Variants in PTPRG observed in about 807,000 individuals in gnomAD.
PTPRG encodes protein tyrosine phosphatase receptor type G.
PTPRG carries 102 observed loss-of-function variants against 165.3 expected under a neutral mutation model. The ratio of observed to expected loss-of-function variants is 0.62; its 90% confidence interval spans 0.53 to 0.73. PTPRG has a LOEUF of 0.73. PTPRG is among the 30% of genes least tolerant of loss of function. The pLI, the probability that PTPRG is intolerant of heterozygous loss-of-function variation, is 0.00. For synonymous variants in PTPRG, 675 were observed against 669.5 expected (o/e 1.01, Z -0.13); for missense variants, 1,866 against 1,861.4 (o/e 1.00, Z -0.05).
Position 62,295,092 on chromosome 3 carries a change from G to A in PTPRG, c.*1785G>A, listed in dbSNP as rs1703017823. The A allele has an allele frequency of 6.6e-6, 1 of 152,076 alleles. No homozygotes were observed. The highest frequency in any genetic ancestry group is 1.5e-5 in the Non-Finnish European group (1 of 67,998). The allele number at this position is 152,076 out of a possible 1,614,324, so 9.4% of individuals were successfully genotyped here. On this transcript the variant is annotated 3_prime_UTR_variant, in exon 30 of 30. Coordinates refer to ENST00000474889, the MANE Select transcript of PTPRG (RefSeq NM_002841.4). ...TCTCAATACATAGATTTAACAACAT[G>A]GAATACTCTGCTTTTCAAGAGCTGC... is the stretch of plus-strand genomic sequence containing the variant.
chr3:61,763,530 T>TG (rs1423014133), intron 2 of PTPRG, among the ~76,000 whole-genome samples: 1 of 30,524 alleles, frequency 3.3e-5, no homozygotes, highest in Non-Finnish European at 9.0e-5. Flanking sequence ...CACGCCCAGC[T>TG]AATTTTTGTA....
rs759569483 is a variant in PTPRG, at chr3:62,203,269, A to G, written c.1474A>G (p.Met492Val). 6 of 1,613,164 alleles carry G rather than the reference A, an allele frequency of 3.7e-6. No individual in the cohort carries two copies. In the African/African-American group the frequency reaches 5.4e-5, roughly 14 times the overall value. The change falls in exon 12 of 30, where the codon ATG becomes GTG. Residue 492 changes from methionine to valine, a missense_variant. Met to Val is a conservative substitution (Grantham distance 21). Around this residue, in one of 3 missense-constraint regions of PTPRG, gnomAD observed 1,452 missense variants for 1,463.0 expected, o/e 0.99. Transcript: ENST00000474889. The surrounding 1 kb of genome is among the most constrained non-coding windows in gnomAD (Gnocchi z 6.4). ...TGGCATCCCATTCTCATTTGTTTCC[A>G]TGGCAACTGGGATGGGCCCCTCCTC... Reference protein sequence around the residue: ...SSGIPFSFVSMATGMGPSSSG... With the variant: ...SSGIPFSFVSVATGMGPSSSG...
intron 2 of PTPRG, among the ~76,000 whole-genome samples, chr3:61,970,232 G>A (rs1006076702): frequency 6.6e-6 from 1 of 152,030 alleles, no homozygotes; most frequent in Non-Finnish European, 1.5e-5. Context: ...AGAAACTCAT[G>A]AGGAGAAGGA....
chr3:62,065,748 G>A (rs1194056184), intron 4 of PTPRG, among the ~76,000 whole-genome samples: 1 of 152,106 alleles, frequency 6.6e-6, no homozygotes, highest in Middle Eastern at 3.2e-3. Flanking sequence ...ACATCCAGAA[G>A]AACCTTTTGT....
chr3:62,227,532 C>T (rs369396085), intron 13 of PTPRG, among the ~76,000 whole-genome samples: 2 of 152,204 alleles, frequency 1.3e-5, no homozygotes, highest in South Asian at 2.1e-4. Flanking sequence ...AGAGAGGAAA[C>T]GGTTTCCAGA....
chr3:62,243,742 TAAAAG>T (rs1701218734), intron 14 of PTPRG, 60 bp from the exon 15 acceptor site: 5 of 1,035,554 alleles, frequency 4.8e-6, no homozygotes, highest in Non-Finnish European at 7.3e-6. Context: ...AAATAAGAAT[TAAAAG>T]AAGATGAACT....
chr3:61,846,100 T>C (rs1434285972), intron 2 of PTPRG, among the ~76,000 whole-genome samples: 2 of 152,196 alleles, frequency 1.3e-5, no homozygotes, highest in Non-Finnish European at 2.9e-5. Context: ...ATAATAGTAA[T>C]TATTGTGAAG....
At chr3:62,282,305 C>T (rs1011904861) in intron 27 of PTPRG, among the ~76,000 whole-genome samples, 2 of 151,970 alleles carry the variant, frequency 1.3e-5, no homozygotes, top group South Asian at 2.1e-4. Context: ...CTCAGTGTAA[C>T]CCCAAACTCC....
intron 1 of PTPRG, among the ~76,000 whole-genome samples, chr3:61,693,933 A>C (rs1362162670): frequency 6.7e-6 from 1 of 150,170 alleles, no homozygotes; most frequent in African/African-American, 2.5e-5. Context: ...GCTTGAACCC[A>C]GGAGGCAGAG....
At chr3:61,866,415 C>T (rs1392946943) in intron 2 of PTPRG, among the ~76,000 whole-genome samples, 1 of 151,908 alleles carries the variant, frequency 6.6e-6, no homozygotes, top group Non-Finnish European at 1.5e-5. Context: ...CCCCACTGTG[C>T]AGGCTGGAGT....
At position 62,214,070 on chromosome 3, in the gene PTPRG, A is replaced by G. The variant is rs1700433976; in HGVS notation, c.2156-4781A>G. Among the ~76,000 whole-genome samples, 1 of 152,198 alleles carries G rather than the reference A, an allele frequency of 6.6e-6. No individual in the cohort carries two copies. Among genetic ancestry groups the G allele is most frequent in the Non-Finnish European group, 1.5e-5 (1 of 68,030 alleles). On this transcript the variant is annotated intron_variant, in intron 12 of 29. Transcript: ENST00000474889. This position sits in a 1 kb window ranked among gnomAD's most constrained non-coding sequence, Gnocchi z 5.2. Reference sequence around the variant, plus strand: ...GGGAAAAAGCAGTATGATACAGTCTAGTCTCAGGGCAAACTGAGATTCTAG... The same window carrying G: ...GGGAAAAAGCAGTATGATACAGTCTGGTCTCAGGGCAAACTGAGATTCTAG...
In PTPRG at chr3:61,721,634, C is replaced by G. The variant is rs17671782; in HGVS notation, c.86-27244C>G. Among the ~76,000 whole-genome samples the G allele has an allele frequency of 8.7e-3, 1,322 of 152,162 alleles. 12 individuals are homozygous for G. The highest frequency in any genetic ancestry group is 0.016 in the Non-Finnish European group (1,066 of 67,988). Reference sequence around the variant, plus strand: ...TGTTTTTCATATTTAACACCATGTCCTGCATATTTTCCTAAGTCAAAAAGT... The same window carrying G: ...TGTTTTTCATATTTAACACCATGTCGTGCATATTTTCCTAAGTCAAAAAGT... On this transcript the variant is annotated intron_variant, in intron 1 of 29. Coordinates refer to ENST00000474889, the MANE Select transcript of PTPRG (RefSeq NM_002841.4).
chr3:61,666,173 A>G (rs1702808506), intron 1 of PTPRG, among the ~76,000 whole-genome samples: 1 of 151,984 alleles, frequency 6.6e-6, no homozygotes, highest in Non-Finnish European at 1.5e-5. Flanking sequence ...CTCGATAAAA[A>G]CCTCTGTTCC....
intron 2 of PTPRG, among the ~76,000 whole-genome samples, chr3:61,819,055 C>G (rs1221897972): frequency 2.6e-5 from 4 of 152,124 alleles, no homozygotes; most frequent in African/African-American, 7.2e-5. Context: ...CAAAAAGACT[C>G]TGTCACTATA....
At chr3:62,212,985 G>C (rs911257822) in intron 12 of PTPRG, among the ~76,000 whole-genome samples, 1 of 152,110 alleles carries the variant, frequency 6.6e-6, no homozygotes, top group African/African-American at 2.4e-5. Context: ...AGATGGAGGT[G>C]AGGAGGAGCT....
Position 62,295,265 on chromosome 3 carries a change from A to G in PTPRG, c.*1958A>G, listed in dbSNP as rs1467774966. 6.6e-6 allele frequency: 1 copy of G among 152,144 alleles called. No individual in the cohort carries two copies. Among genetic ancestry groups the G allele is most frequent in the Non-Finnish European group, 1.5e-5 (1 of 68,022 alleles). 9.4% of individuals were successfully genotyped at this position (152,144 alleles called of 1,614,324 possible). ...AGTAAAGCTTGAACACAGGAACACT[A>G]CAACTGCCAGATGCTGAGGAGAATC... is the stretch of plus-strand genomic sequence containing the variant. On this transcript the variant is annotated 3_prime_UTR_variant, in exon 30 of 30. Coordinates refer to ENST00000474889, the MANE Select transcript of PTPRG (RefSeq NM_002841.4).
intron 12 of PTPRG, among the ~76,000 whole-genome samples, chr3:62,212,392 A>C (rs1008455113): frequency 6.6e-5 from 10 of 152,160 alleles, no homozygotes; most frequent in African/African-American, 2.4e-4. Flanking sequence ...CTAAAAATAA[A>C]ATCTCTTCAA....
At chr3:62,264,829 A>T (rs1269787602) in intron 17 of PTPRG, among the ~76,000 whole-genome samples, 1 of 152,186 alleles carries the variant, frequency 6.6e-6, no homozygotes, top group Non-Finnish European at 1.5e-5. Context: ...TTGCTAGATT[A>T]TATGGTAATT....
At position 61,692,562 on chromosome 3, in the gene PTPRG, C is replaced by T. The variant is rs537187203; in HGVS notation, c.86-56316C>T. The stretch of plus-strand genomic sequence containing the variant: ...CACCTGGGTACAGGCGGGCTGAGTC[C>T]GAAAAGAGAGTCAGCGAGGCGAGGT... On this transcript the variant is annotated intron_variant, in intron 1 of 29. Transcript: ENST00000474889. Among the ~76,000 whole-genome samples, 24 of 152,002 alleles carry T rather than the reference C, an allele frequency of 1.6e-4. 1 individual carries two copies. The highest frequency in any genetic ancestry group is 2.0e-4 in the Admixed American group (3 of 15,264).
Sources: gnomAD v4.1 joint callset for allele counts (sites outside exome capture counted in the v4.1 genomes callset) on GRCh38, gnomAD v4.1.1 for gene constraint, gnomAD v4.1.1 regional missense constraint, Gnocchi (gnomAD v3.1) non-coding constraint, MANE v1.5 for transcripts, NCBI Gene and HGNC (gene_info 2026-07-23, HGNC 2026-07-21) for gene names.